Variants in UBR3 observed in about 807,000 individuals in gnomAD.
The protein encoded by UBR3 is ubiquitin protein ligase E3 component n-recognin 3, also known as E3 ubiquitin-protein ligase UBR3.
Under a neutral mutation model 243.2 loss-of-function variants are expected in UBR3, and 85 were observed. The observed-to-expected ratio is 0.35, with a 90% CI of 0.29 to 0.42. UBR3 has a LOEUF of 0.42. Among genes scored for constraint, UBR3 ranks in the 10% least tolerant of loss-of-function variants. The pLI is 1.00. For synonymous variants in UBR3, 748 were observed against 799.8 expected (o/e 0.94, Z 1.09); for missense variants, 1,686 against 2,300.8 (o/e 0.73, Z 5.47).
At chr2:169,857,079 T>TTTTG (rs1559027147) in intron 1 of UBR3, among the ~76,000 whole-genome samples, 3 of 127,658 alleles carry the variant, frequency 2.4e-5, no homozygotes, top group East Asian at 5.1e-4. Context: ...TTTTTTTTTT[T>TTTTG]TTTTTTTTTT....
chr2:169,853,391 T>C (rs1471933905), intron 1 of UBR3, among the ~76,000 whole-genome samples: 1 of 152,164 alleles, frequency 6.6e-6, no homozygotes, highest in Non-Finnish European at 1.5e-5. Flanking sequence ...AAATACTTTT[T>C]TTCTTTCTTT....
intron 5 of UBR3, 78 bp downstream of exon 5, chr2:169,878,652 T>A: frequency 8.0e-7 from 1 of 1,257,670 alleles, no homozygotes; most frequent in Non-Finnish European, 1.1e-6. Context: ...TTATACTTCT[T>A]TATAGTTCTG....
At chr2:169,957,520 C>T (rs1001054953) in intron 23 of UBR3, among the ~76,000 whole-genome samples, 6 of 138,898 alleles carry the variant, frequency 4.3e-5, no homozygotes, top group South Asian at 2.2e-4. Context: ...AGTGAGAACA[C>T]TTGGACACAG....
At chr2:169,921,090 T>C (rs1047970138) in intron 11 of UBR3, among the ~76,000 whole-genome samples, 2 of 152,286 alleles carry the variant, frequency 1.3e-5, no homozygotes, top group Non-Finnish European at 1.5e-5. Context: ...TCATCAAATA[T>C]AGGAGGCTTG....
Position 170,081,822 on chromosome 2 carries a change from T to C in UBR3, c.5646T>C (p.Gly1882=), listed in dbSNP as rs777017944. The C allele has an allele frequency of 4.4e-6, 7 of 1,605,026 alleles. No individual in the cohort carries two copies. The East Asian group carries it at 1.6e-4, about 36-fold the overall frequency. The stretch of plus-strand genomic sequence containing the variant: ...TTGATCACATCAATAAAAGATGGGG[T>C]CCACATTACAATGGGCTGTGACTCT... ...HTFDHINKRW[G]PHYNGL is the part of the protein sequence containing the mutation. The change falls in exon 39 of 39, where the codon GGT becomes GGC. Residue 1882 remains glycine (G), a synonymous_variant. Coordinates refer to ENST00000272793, the MANE Select transcript of UBR3 (RefSeq NM_172070.4).
chr2:169,947,479 A>T (rs2086829191), intron 21 of UBR3, 63 bp from the exon 22 acceptor site: 1 of 1,262,302 alleles, frequency 7.9e-7, no homozygotes, highest in African/African-American at 1.5e-5. Context: ...GGCTTGTTAC[A>T]TCTCCATTGT....
At chr2:170,035,919 G>GGT (rs1559206629) in intron 31 of UBR3, among the ~76,000 whole-genome samples, 3 of 128,460 alleles carry the variant, frequency 2.3e-5, no homozygotes, top group African/African-American at 8.4e-5. Context: ...TTGGGGGGGG[G>GGT]GTTGCTAATT....
intron 25 of UBR3, among the ~76,000 whole-genome samples, chr2:169,989,652 G>C (rs903915212): frequency 3.9e-5 from 6 of 152,240 alleles, no homozygotes; most frequent in African/African-American, 1.2e-4. Flanking sequence ...CTGAGATACA[G>C]ATTACACAGG....
chr2:169,856,494 G>A (rs188673149), intron 1 of UBR3, among the ~76,000 whole-genome samples: 2,440 of 152,296 alleles, frequency 0.016, 30 homozygotes, highest in Non-Finnish European at 0.021. Flanking sequence ...CTGGGAGGTG[G>A]AGGTTGTAGC....
Position 169,988,929 on chromosome 2 carries a change from C to A in UBR3, c.3784+2135C>A, listed in dbSNP as rs554433157. 4.0e-3 allele frequency among the ~76,000 whole-genome samples: 616 copies of A among 152,218 alleles called. 5 individuals carry two copies. Among genetic ancestry groups the A allele is most frequent in the African/African-American group, 0.014 (577 of 41,528 alleles). On this transcript the variant is annotated intron_variant, in intron 25 of 38. Transcript: ENST00000272793. ...AGCCTTATCCACCCATTGATACTTT[C>A]CCCCTTTTACCCCTTTTTTCTCTGG... is the stretch of plus-strand genomic sequence containing the variant.
At chr2:169,976,080 T>G (rs890854495) in intron 24 of UBR3, among the ~76,000 whole-genome samples, 1 of 150,222 alleles carries the variant, frequency 6.7e-6, no homozygotes, top group African/African-American at 2.4e-5. Context: ...CAAAGTGAAT[T>G]TCTTGTAGGC....
chr2:169,845,530 C>CTTCTTCTTCTTCTTCT (rs2082445070), intron 1 of UBR3, among the ~76,000 whole-genome samples: 1 of 127,024 alleles, frequency 7.9e-6, no homozygotes, highest in Admixed American at 7.7e-5. Flanking sequence ...TCGTCGTCGT[C>CTTCTTCTTCTTCTTCT]GTCTTCTTCT....
chr2:169,859,181 C>G (rs1241584549), intron 1 of UBR3, among the ~76,000 whole-genome samples: 2 of 147,680 alleles, frequency 1.4e-5, no homozygotes, highest in Non-Finnish European at 3.0e-5. Context: ...CCACCATTCT[C>G]CTGCTTCAGC....
chr2:169,850,823 G>A (rs867897915), intron 1 of UBR3, among the ~76,000 whole-genome samples: 3 of 150,544 alleles, frequency 2.0e-5, no homozygotes, highest in Non-Finnish European at 4.4e-5. Context: ...CAGCCTGGGC[G>A]ACAGAGAGAG....
At chr2:169,944,855 G>C (rs2086725336) in intron 20 of UBR3, among the ~76,000 whole-genome samples, 1 of 152,024 alleles carries the variant, frequency 6.6e-6, no homozygotes, top group Non-Finnish European at 1.5e-5. Context: ...GTGGCCTGGG[G>C]GTCTGAGGTC....
rs568742138 is a variant in UBR3, at chr2:169,999,197, C to T, written c.3919-2107C>T. Among the ~76,000 whole-genome samples, 30 of 152,288 alleles carry T rather than the reference C, an allele frequency of 2.0e-4. 1 individual carries two copies. Among genetic ancestry groups the T allele is most frequent in the South Asian group, 4.1e-4 (2 of 4,828 alleles). On this transcript the variant is annotated intron_variant, in intron 26 of 38. Transcript: ENST00000272793. The stretch of plus-strand genomic sequence containing the variant: ...CCAAAGAGAGCAGCTGGTTTATTAA[C>T]GGACTACCAATCATTCTAAAATGAT...
At chr2:169,859,481 AT>A (rs982923541) in intron 1 of UBR3, among the ~76,000 whole-genome samples, 1 of 151,272 alleles carries the variant, frequency 6.6e-6, no homozygotes, top group Admixed American at 6.6e-5. Context: ...AATTCTTCAG[AT>A]TTTTTTTTGT....
intron 26 of UBR3, among the ~76,000 whole-genome samples, chr2:169,999,159 T>C (rs9287926): frequency 6.6e-4 from 100 of 152,324 alleles, no homozygotes; most frequent in African/African-American, 2.3e-3. Flanking sequence ...AATTGCCTTT[T>C]TGTAGTATAG....
chr2:169,904,106 T>C (rs2084927134), intron 8 of UBR3, among the ~76,000 whole-genome samples: 2 of 152,316 alleles, frequency 1.3e-5, no homozygotes, highest in Non-Finnish European at 2.9e-5. Flanking sequence ...CTTTTATGAT[T>C]TTTCTGTCCC....
Sources: allele counts gnomAD v4.1 joint callset (sites outside exome capture counted in the v4.1 genomes callset), GRCh38; gene constraint gnomAD v4.1.1; transcripts MANE v1.5; gene names NCBI Gene and HGNC (gene_info 2026-07-23, HGNC 2026-07-21).